RYR2: variants seen among roughly 807,000 people sequenced by gnomAD.
The protein encoded by RYR2 is cardiac muscle ryanodine receptor-calcium release channel.
RYR2 carries 227 observed loss-of-function variants against 601.1 expected under a neutral mutation model. The observed-to-expected ratio is 0.38, with a 90% confidence interval of 0.34 to 0.42. The LOEUF is 0.42. Among genes scored for constraint, RYR2 ranks in the 10% least tolerant of loss-of-function variants. The probability of loss-of-function intolerance (pLI) is 1.00; values close to 1 mark genes in which losing one functional copy is unlikely to be tolerated. For missense variants in RYR2, 4,646 were observed against 6,156.5 expected (o/e 0.75, Z 8.21); for synonymous variants, 2,223 against 2,175.1 (o/e 1.02, Z -0.61).
chr1:237,429,454 G>A (rs1008042152), intron 12 of RYR2, among the ~76,000 whole-genome samples: 1 of 152,098 alleles, frequency 6.6e-6, no homozygotes, highest in Non-Finnish European at 1.5e-5. Context: ...TGTAAGGACT[G>A]CCATGGGAGC....
intron 1 of RYR2, among the ~76,000 whole-genome samples, chr1:237,258,771 C>T (rs1402206318): frequency 1.3e-5 from 2 of 152,264 alleles, no homozygotes; most frequent in Non-Finnish European, 2.9e-5. Flanking sequence ...CAGACTGTGA[C>T]AGAATGCTAA....
chr1:237,583,730 C>T (rs917245052), intron 29 of RYR2, among the ~76,000 whole-genome samples: 3 of 152,098 alleles, frequency 2.0e-5, no homozygotes, highest in African/African-American at 4.8e-5. Flanking sequence ...AAAGCTGGTA[C>T]GCTTGTGATC....
At chr1:237,611,084 T>A in intron 36 of RYR2, 96 bp downstream of exon 36, 2 of 968,308 alleles carry the variant, frequency 2.1e-6, no homozygotes, top group Non-Finnish European at 3.1e-6. Flanking sequence ...GGGGTGGTTC[T>A]AAAGAAACAA....
At chr1:237,300,100 G>A (rs1572521540) in intron 2 of RYR2, among the ~76,000 whole-genome samples, 2 of 152,074 alleles carry the variant, frequency 1.3e-5, no homozygotes, top group Admixed American at 1.3e-4. Flanking sequence ...TGTTTGAATC[G>A]GTACAAGTCA....
chr1:237,762,177 A>G (rs948589416), intron 84 of RYR2, among the ~76,000 whole-genome samples: 2 of 152,200 alleles, frequency 1.3e-5, no homozygotes, highest in African/African-American at 4.8e-5. Context: ...AGCTACCTTC[A>G]AGAACAATCA....
At chr1:237,623,048 A>G (rs937665631) in intron 38 of RYR2, among the ~76,000 whole-genome samples, 1 of 152,192 alleles carries the variant, frequency 6.6e-6, no homozygotes, top group African/African-American at 2.4e-5. Flanking sequence ...TAAATATTCA[A>G]TGAATGTTCA....
At chr1:237,770,429 C>T (rs945787501) in intron 84 of RYR2, among the ~76,000 whole-genome samples, 2 of 152,054 alleles carry the variant, frequency 1.3e-5, no homozygotes, top group Non-Finnish European at 2.9e-5. Context: ...GGGTACAAAG[C>T]AAATTTAACA....
intron 25 of RYR2, among the ~76,000 whole-genome samples, chr1:237,539,524 A>G (rs971977345): frequency 5.3e-5 from 8 of 152,252 alleles, no homozygotes; most frequent in African/African-American, 1.7e-4. Context: ...TATTAAAAAT[A>G]GCTAATTTTT....
At chr1:237,115,316 C>G (rs1285606171) in intron 1 of RYR2, among the ~76,000 whole-genome samples, 5 of 152,118 alleles carry the variant, frequency 3.3e-5, no homozygotes, top group African/African-American at 1.2e-4. Context: ...ATCCATTGTA[C>G]AAGAAGCACG....
chr1:237,441,169 C>A, intron 12 of RYR2, 150 bp from the exon 13 acceptor site: 1 of 649,440 alleles, frequency 1.5e-6, no homozygotes, highest in Non-Finnish European at 2.6e-6. Flanking sequence ...AGAGGTCGAA[C>A]TGTTAGAGTA....
intron 10 of RYR2, among the ~76,000 whole-genome samples, chr1:237,409,696 A>T (rs2149991698): frequency 6.6e-6 from 1 of 152,182 alleles, no homozygotes; most frequent in African/African-American, 2.4e-5. Flanking sequence ...TATTCATTGA[A>T]AGTTGAGTTT....
rs140802382 is a variant in RYR2 at position 237,541,269 on chromosome 1, G to A, written c.2907-7162G>A. Among the ~76,000 whole-genome samples, 3 of 152,258 alleles carry A rather than the reference G, an allele frequency of 2.0e-5. No homozygotes were observed. The East Asian group carries it at 5.8e-4, about 29-fold the overall frequency. ...TTAGGATTTAAATCCAATGAGCCTT[G>A]TAGCCAGAATGCAGCCTGACAGTGA... On this transcript the variant is annotated intron_variant, in intron 25 of 104. Transcript: ENST00000366574.
intron 66 of RYR2, among the ~76,000 whole-genome samples, chr1:237,702,927 T>C (rs1016507183): frequency 2.6e-5 from 4 of 152,078 alleles, no homozygotes; most frequent in Admixed American, 6.5e-5. Flanking sequence ...CTGAACATTT[T>C]ACATTTCTTA....
rs552004893 is a variant in RYR2, at chr1:237,526,321, CTATT to C, written c.2823-4102_2823-4099del. On this transcript the variant is annotated intron_variant, in intron 24 of 104. Transcript: ENST00000366574. ...TTGTATTTCCTCTTTTGAGAAATGT[CTATT>C]TATGTCCTTTTTTCTTTCTTTTCTT... is the stretch of plus-strand genomic sequence containing the variant. Among the ~76,000 whole-genome samples the C allele has an allele frequency of 1.9e-3, 292 of 151,120 alleles. 1 individual carries two copies. The highest frequency in any genetic ancestry group is 3.4e-3 in the Non-Finnish European group (231 of 67,740).
At chr1:237,613,971 C>A in intron 36 of RYR2, 68 bp from the exon 37 acceptor site, 3 of 1,445,744 alleles carry the variant, frequency 2.1e-6, no homozygotes, top group East Asian at 2.3e-5. Context: ...ATACTGATTT[C>A]TCCTCTGATT....
chr1:237,808,832 T>C (rs1660946865), intron 99 of RYR2, 69 bp from the exon 100 acceptor site: 3 of 1,501,928 alleles, frequency 2.0e-6, no homozygotes, highest in South Asian at 1.1e-5. Flanking sequence ...TCGCCGCCCA[T>C]GTAGATGTCA....
At chr1:237,199,557 T>C (rs1572177601) in intron 1 of RYR2, among the ~76,000 whole-genome samples, 1 of 152,346 alleles carries the variant, frequency 6.6e-6, no homozygotes, top group South Asian at 2.1e-4. Flanking sequence ...TATTAGCTGG[T>C]GCCCACCCGG....
intron 24 of RYR2, among the ~76,000 whole-genome samples, chr1:237,523,671 T>A (rs1667304801): frequency 6.6e-6 from 1 of 150,582 alleles, no homozygotes; most frequent in African/African-American, 2.4e-5. Flanking sequence ...TGGGAGGAAG[T>A]GGTTGCCGTG....
chr1:237,400,037 TACAC>T (rs55730903), intron 10 of RYR2, among the ~76,000 whole-genome samples: 63 of 149,244 alleles, frequency 4.2e-4, no homozygotes, highest in South Asian at 6.4e-4. Flanking sequence ...GTTTAGAACT[TACAC>T]ACACACACAC....
Sources: gnomAD v4.1 joint callset for allele counts (sites outside exome capture counted in the v4.1 genomes callset) on GRCh38, gnomAD v4.1.1 for gene constraint, MANE v1.5 for transcripts, NCBI Gene and HGNC (gene_info 2026-07-23, HGNC 2026-07-21) for gene names.